The following THOC2 variants were observed in gnomAD, a reference collection of about 807,000 sequenced individuals.
The protein encoded by THOC2 is THO complex 2.
THOC2 carries 10 observed loss-of-function variants against 128.4 expected under a neutral mutation model. The observed-to-expected ratio is 0.08, with a 90% CI of 0.05 to 0.13. The LOEUF (loss-of-function observed/expected upper bound fraction) is 0.13. THOC2 is among the 10% of genes least tolerant of loss of function. THOC2 has a pLI of 1.00. For missense variants in THOC2, 535 were observed against 1,155.7 expected (o/e 0.46, Z 7.79); for synonymous variants, 393 against 396.9 (o/e 0.99, Z 0.12).
chrX:123,684,135 C>A (rs955024758), intron 8 of THOC2, among the ~76,000 whole-genome samples: 1 of 111,471 alleles, frequency 9.0e-6, no homozygotes, highest in African/African-American at 3.3e-5. Context: ...GGAATGTTTT[C>A]ATACAAAAAG....
intron 12 of THOC2, among the ~76,000 whole-genome samples, chrX:123,651,302 T>C (rs1195333245): frequency 3.6e-5 from 4 of 111,875 alleles, no homozygotes; most frequent in African/African-American, 1.3e-4. Context: ...GCTAAGGCAG[T>C]GTTTAGAGAG....
At chrX:123,605,655 T>C (rs1479173571) in intron 38 of THOC2, among the ~76,000 whole-genome samples, 1 of 111,556 alleles carries the variant, frequency 9.0e-6, no homozygotes, top group East Asian at 2.8e-4. Flanking sequence ...ATTAAATGTT[T>C]CTCTGGCATC....
intron 2 of THOC2, among the ~76,000 whole-genome samples, chrX:123,712,504 C>T: frequency 8.9e-6 from 1 of 111,904 alleles, no homozygotes; most frequent in South Asian, 3.7e-4. Flanking sequence ...TGGAAATTTT[C>T]TAGTGCAAAT....
At chrX:123,603,880 C>A in intron 38 of THOC2, 2 of 146,758 alleles carry the variant, frequency 1.4e-5, no homozygotes, top group South Asian at 3.0e-4. Context: ...GAAAACTGCC[C>A]CCAAGTTTAC....
chrX:123,669,441 C>T (rs187213646), intron 9 of THOC2, among the ~76,000 whole-genome samples: 3 of 110,138 alleles, frequency 2.7e-5, no homozygotes, highest in African/African-American at 3.3e-5. Flanking sequence ...CTCAGCCTCT[C>T]GAGTAGCTGG....
chrX:123,678,789 C>T (rs1419762785), intron 8 of THOC2, among the ~76,000 whole-genome samples: 1 of 110,195 alleles, frequency 9.1e-6, no homozygotes, highest in Non-Finnish European at 1.9e-5. Flanking sequence ...CCTACCTTCT[C>T]TCCTAACCTC....
At chrX:123,685,531 G>C (rs1051894934) in intron 8 of THOC2, among the ~76,000 whole-genome samples, 1 of 111,604 alleles carries the variant, frequency 9.0e-6, no homozygotes, top group African/African-American at 3.3e-5. Flanking sequence ...AAGGTTCATA[G>C]CAATATCTAT....
chrX:123,669,246 G>C (rs1330058683), intron 9 of THOC2, among the ~76,000 whole-genome samples: 1 of 109,094 alleles, frequency 9.2e-6, no homozygotes, highest in Non-Finnish European at 1.9e-5. Flanking sequence ...CATTCTGTAT[G>C]TTCTCCCCTG....
intron 8 of THOC2, among the ~76,000 whole-genome samples, chrX:123,674,662 T>G (rs2049413223): frequency 8.9e-6 from 1 of 111,871 alleles, no homozygotes; most frequent in Non-Finnish European, 1.9e-5. Context: ...TTGTTTGATT[T>G]TGTGTGTGTG....
intron 22 of THOC2, among the ~76,000 whole-genome samples, 165 bp downstream of exon 22, chrX:123,631,523 A>G (rs2047484609): frequency 8.9e-6 from 1 of 112,014 alleles, no homozygotes; most frequent in Non-Finnish European, 1.9e-5. Flanking sequence ...CCTTTTTTGT[A>G]TACCTCTACC....
intron 38 of THOC2, among the ~76,000 whole-genome samples, chrX:123,609,234 CA>C (rs2046606527): frequency 8.9e-6 from 1 of 111,879 alleles, no homozygotes; most frequent in East Asian, 2.8e-4. Flanking sequence ...TATGGCTCAC[CA>C]GAGAAGATAG....
chrX:123,713,030 A>G, intron 1 of THOC2, 122 bp from the exon 2 acceptor site: 1 of 436,595 alleles, frequency 2.3e-6, no homozygotes, highest in Non-Finnish European at 3.9e-6. Context: ...TCTGCCTTTC[A>G]TATACAAACT....
Position 123,614,163 on chromosome X carries a change from T to A in THOC2, c.4338A>T (p.Pro1446=). Reference sequence around the variant, plus strand: ...TTTCTCTCTCCTTACTCTTGGACAGTGGTGGAGGAGTATGATTAATGTAGA... The same window carrying A: ...TTTCTCTCTCCTTACTCTTGGACAGAGGTGGAGGAGTATGATTAATGTAGA... ...AKLYINHTPP[P]LSKSKEREMD... The change falls in exon 34 of 39, where the codon CCA becomes CCT. Residue 1446 remains proline (P), a synonymous_variant. Transcript: ENST00000245838. 8.4e-7 allele frequency: 1 copy of A among 1,194,639 alleles called. No homozygotes were observed. The highest frequency in any genetic ancestry group is 1.1e-6 in the Non-Finnish European group (1 of 886,216).
At chrX:123,659,573 A>G (rs937902306) in intron 12 of THOC2, among the ~76,000 whole-genome samples, 2 of 112,461 alleles carry the variant, frequency 1.8e-5, no homozygotes, top group Non-Finnish European at 3.8e-5. Flanking sequence ...ACGTCTCAAA[A>G]AAAAACAAAA....
At chrX:123,729,946 T>C in intron 1 of THOC2, among the ~76,000 whole-genome samples, 1 of 112,228 alleles carries the variant, frequency 8.9e-6, no homozygotes, top group East Asian at 2.8e-4. Context: ...ACAGGTCAAA[T>C]AAACTGAAAC....
chrX:123,721,152 T>A (rs1358307536), intron 1 of THOC2, among the ~76,000 whole-genome samples: 6 of 110,179 alleles, frequency 5.4e-5, no homozygotes, highest in African/African-American at 2.0e-4. Flanking sequence ...TTGGGGTTTT[T>A]TTGTTGTTGC....
chrX:123,616,049 CT>C (rs1234092918), intron 33 of THOC2, among the ~76,000 whole-genome samples: 4 of 111,256 alleles, frequency 3.6e-5, no homozygotes, highest in African/African-American at 1.3e-4. Context: ...AACATCTGTC[CT>C]TTCCAGCAGT....
At chrX:123,613,891 T>C (rs1603230467) in intron 34 of THOC2, among the ~76,000 whole-genome samples, 161 bp downstream of exon 34, 2 of 111,289 alleles carry the variant, frequency 1.8e-5, no homozygotes, top group African/African-American at 6.5e-5. Flanking sequence ...TGAAGATCCT[T>C]ATTAACGTAG....
chrX:123,726,635 G>A (rs888232248), intron 1 of THOC2, among the ~76,000 whole-genome samples: 4 of 111,998 alleles, frequency 3.6e-5, no homozygotes, highest in African/African-American at 6.5e-5. Context: ...CAATGGTTGC[G>A]GGGAAGAGGT....
Sources: allele counts gnomAD v4.1 joint callset (sites outside exome capture counted in the v4.1 genomes callset), GRCh38; gene constraint gnomAD v4.1.1; transcripts MANE v1.5; gene names NCBI Gene and HGNC (gene_info 2026-07-23, HGNC 2026-07-21).